Variants in MINDY3 observed in about 807,000 individuals in gnomAD.
The protein encoded by MINDY3 is ubiquitin carboxyl-terminal hydrolase MINDY-3.
MINDY3 carries 38 observed loss-of-function variants against 69.2 expected under a neutral mutation model. The ratio of observed to expected loss-of-function variants is 0.55; its 90% confidence interval spans 0.42 to 0.72. The LOEUF (loss-of-function observed/expected upper bound fraction) is 0.72, where lower values mean the gene tolerates loss of function less well. MINDY3 is among the 30% of genes least tolerant of loss of function. MINDY3 has a pLI of 0.00. For synonymous variants in MINDY3, 192 were observed against 180.1 expected (o/e 1.07, Z -0.53); for missense variants, 522 against 519.0 (o/e 1.01, Z -0.06).
At chr10:15,839,413 G>A (rs1588629137) in intron 4 of MINDY3, among the ~76,000 whole-genome samples, 1 of 151,610 alleles carries the variant, frequency 6.6e-6, no homozygotes, top group African/African-American at 2.4e-5. Context: ...TGAAATTAAT[G>A]TTTGTAGAGA....
At chr10:15,851,249 G>A (rs1218238598) in intron 1 of MINDY3, among the ~76,000 whole-genome samples, 1 of 152,034 alleles carries the variant, frequency 6.6e-6, no homozygotes, top group Non-Finnish European at 1.5e-5. Flanking sequence ...TTTTTCCTGA[G>A]TAATCTCATC....
chr10:15,812,555 G>T (rs12354532), intron 10 of MINDY3, among the ~76,000 whole-genome samples: 2 of 152,112 alleles, frequency 1.3e-5, no homozygotes, highest in Non-Finnish European at 2.9e-5. Context: ...GCTCTCACTA[G>T]TGCTAAATTT....
intron 14 of MINDY3, among the ~76,000 whole-genome samples, chr10:15,781,790 A>AT (rs33999351): frequency 6.6e-6 from 1 of 152,106 alleles, no homozygotes; most frequent in Non-Finnish European, 1.5e-5. Flanking sequence ...ATTTAAAAAT[A>AT]TTTTTTCCAG....
At chr10:15,784,502 T>C (rs897065864) in intron 13 of MINDY3, among the ~76,000 whole-genome samples, 3 of 152,170 alleles carry the variant, frequency 2.0e-5, no homozygotes, top group African/African-American at 4.8e-5. Context: ...CCCAGCACTT[T>C]GGAAGGCCAG....
intron 10 of MINDY3, among the ~76,000 whole-genome samples, chr10:15,807,666 C>T (rs1375847990): frequency 6.6e-6 from 1 of 151,992 alleles, no homozygotes; most frequent in African/African-American, 2.4e-5. Context: ...ACTTCTAGGC[C>T]CTTCCATCAG....
chr10:15,848,355 C>A (rs1564528697), intron 1 of MINDY3, among the ~76,000 whole-genome samples: 1 of 152,138 alleles, frequency 6.6e-6, no homozygotes. Context: ...ATGGCATTGG[C>A]CGGGCACAGT....
rs143145333 is a variant in MINDY3 at position 15,834,236 on chromosome 10, A to G, written c.650+307T>C. 6.5e-3 allele frequency among the ~76,000 whole-genome samples: 993 copies of G among 152,152 alleles called. 6 individuals are homozygous for G. The highest frequency in any genetic ancestry group is 0.011 in the Non-Finnish European group (744 of 67,914). On this transcript the variant is annotated intron_variant, in intron 7 of 14. Transcript: ENST00000277632. ...AGCAGAGAAGCACTTACAAAGATAT[A>G]CTTATTTCTAAGTCAAAATGAATAA...
intron 3 of MINDY3, among the ~76,000 whole-genome samples, chr10:15,842,328 T>C: frequency 6.6e-6 from 1 of 151,904 alleles, no homozygotes; most frequent in East Asian, 1.9e-4. Flanking sequence ...CTGTTCACTT[T>C]CTAATCACCA....
Position 15,837,383 on chromosome 10 carries a change from A to C in MINDY3, c.462-65T>G. The C allele has an allele frequency of 5.3e-6, 7 of 1,319,234 alleles. No individual in the cohort carries two copies. In the East Asian group the frequency reaches 1.4e-4, roughly 27 times the overall value. The allele number at this position is 1,319,234 out of a possible 1,614,324, so 81.7% of individuals were successfully genotyped here. On this transcript the variant is annotated intron_variant, in intron 5 of 14. Transcript: ENST00000277632. ...GATTAACTACATTCATAAAAGGGAA[A>C]ATTTTTAAATTTTCTTATACATTAA...
chr10:15,817,713 G>A (rs764059363), intron 9 of MINDY3: 1 of 152,184 alleles, frequency 6.6e-6, no homozygotes, highest in Non-Finnish European at 1.5e-5. Context: ...AATACAATTT[G>A]CTGCATTTTC....
chr10:15,859,780 T>C (rs1459613809), intron 1 of MINDY3, among the ~76,000 whole-genome samples: 1 of 152,222 alleles, frequency 6.6e-6, no homozygotes, highest in Admixed American at 6.5e-5. Flanking sequence ...GGACTTTCCC[T>C]TGGACGTCCC....
chr10:15,842,580 G>A (rs2132092983), intron 3 of MINDY3, among the ~76,000 whole-genome samples: 1 of 151,950 alleles, frequency 6.6e-6, no homozygotes, highest in South Asian at 2.1e-4. Flanking sequence ...GGTTTGGAAT[G>A]TAAGCTGTTA....
At chr10:15,839,716 T>C (rs1042548785) in intron 4 of MINDY3, among the ~76,000 whole-genome samples, 3 of 151,600 alleles carry the variant, frequency 2.0e-5, no homozygotes, top group African/African-American at 7.2e-5. Context: ...GGAATAAAAA[T>C]TGTAATATAA....
chr10:15,799,406 C>G (rs937101911), intron 10 of MINDY3, among the ~76,000 whole-genome samples: 4 of 151,986 alleles, frequency 2.6e-5, no homozygotes, highest in African/African-American at 9.7e-5. Context: ...ACTATCTTGG[C>G]CAGGCTGGTC....
intron 6 of MINDY3, among the ~76,000 whole-genome samples, chr10:15,835,339 T>TA (rs147634279): frequency 0.016 from 2,479 of 152,226 alleles, 81 homozygotes; most frequent in African/African-American, 0.057. Flanking sequence ...TCTATTCACT[T>TA]AACTTTAGCC....
chr10:15,828,817 T>G (rs1369835612), intron 8 of MINDY3, among the ~76,000 whole-genome samples: 1 of 152,222 alleles, frequency 6.6e-6, no homozygotes, highest in Non-Finnish European at 1.5e-5. Flanking sequence ...ATTCAGCATT[T>G]ACTGGACTTG....
chr10:15,780,801 T>C (rs1836467413), intron 14 of MINDY3, among the ~76,000 whole-genome samples: 1 of 152,170 alleles, frequency 6.6e-6, no homozygotes, highest in South Asian at 2.1e-4. Context: ...TGTCAGAAGC[T>C]TGTCACAAAC....
intron 4 of MINDY3, among the ~76,000 whole-genome samples, chr10:15,839,425 A>T (rs1833310083): frequency 6.6e-6 from 1 of 151,720 alleles, no homozygotes; most frequent in Non-Finnish European, 1.5e-5. Flanking sequence ...TTGTAGAGAA[A>T]GTAATATTAA....
chr10:15,797,672 A>G (rs1465380129), intron 10 of MINDY3, among the ~76,000 whole-genome samples: 3 of 152,136 alleles, frequency 2.0e-5, no homozygotes, highest in Non-Finnish European at 2.9e-5. Context: ...TTTAACCTGA[A>G]CAGTATTTCT....
Sources: gnomAD v4.1 joint callset for allele counts (sites outside exome capture counted in the v4.1 genomes callset) on GRCh38, gnomAD v4.1.1 for gene constraint, MANE v1.5 for transcripts, NCBI Gene and HGNC (gene_info 2026-07-23, HGNC 2026-07-21) for gene names.